The following BAZ2B variants were observed in gnomAD, a reference collection of about 807,000 sequenced individuals.
BAZ2B encodes the protein bromodomain adjacent to zinc finger domain protein 2B.
BAZ2B carries 91 observed loss-of-function variants against 246.0 expected under a neutral mutation model. The ratio of observed to expected loss-of-function variants is 0.37; its 90% CI spans 0.31 to 0.44. The LOEUF (loss-of-function observed/expected upper bound fraction) is 0.44, where lower values mean the gene tolerates loss of function less well. BAZ2B is among the 20% of genes least tolerant of loss of function. The pLI is 1.00. For synonymous variants in BAZ2B, 855 were observed against 860.0 expected (o/e 0.99, Z 0.10); for missense variants, 2,332 against 2,533.7 (o/e 0.92, Z 1.71).
chr2:159,411,948 C>A (rs1165789046), intron 14 of BAZ2B: 1 of 985,378 alleles, frequency 1.0e-6, no homozygotes, highest in Non-Finnish European at 1.2e-6. Context: ...CTCCACAGAT[C>A]CACATATTTT....
chr2:159,605,465 G>A (rs1693256167), intron 1 of BAZ2B, among the ~76,000 whole-genome samples: 1 of 152,046 alleles, frequency 6.6e-6, no homozygotes, highest in Non-Finnish European at 1.5e-5. Context: ...TAATTTAGTT[G>A]GTACCTGCAG....
the BAZ2B span, chr2:159,694,894 A>G: frequency 6.6e-6 from 1 of 152,200 alleles, no homozygotes; most frequent in Non-Finnish European, 1.5e-5. Flanking sequence ...GAGGACTGCT[A>G]AACTGCTTTC....
intron 8 of BAZ2B, chr2:159,435,121 A>G (rs991147472): frequency 3.0e-4 from 46 of 151,956 alleles, no homozygotes; most frequent in African/African-American, 9.9e-4. Flanking sequence ...TAACACTAAA[A>G]TCAGCAAAGA....
intron 2 of BAZ2B, among the ~76,000 whole-genome samples, chr2:159,546,903 A>G (rs561327332): frequency 6.6e-6 from 1 of 152,296 alleles, no homozygotes; most frequent in South Asian, 2.1e-4. Flanking sequence ...AAAGGATCCA[A>G]AGGTTTTATG....
the BAZ2B span, among the ~76,000 whole-genome samples, chr2:159,690,526 A>T: frequency 4.3e-4 from 66 of 152,146 alleles, no homozygotes; most frequent in East Asian, 5.8e-3. Flanking sequence ...TATATATATA[A>T]AATATTAATT....
chr2:159,542,333 C>T (rs907754876), intron 2 of BAZ2B, among the ~76,000 whole-genome samples: 1 of 152,138 alleles, frequency 6.6e-6, no homozygotes, highest in African/African-American at 2.4e-5. Context: ...TCCATATCCA[C>T]AAGCTAAATG....
intron 1 of BAZ2B, among the ~76,000 whole-genome samples, chr2:159,561,313 A>G (rs1014125587): frequency 6.6e-6 from 1 of 152,082 alleles, no homozygotes; most frequent in South Asian, 2.1e-4. Flanking sequence ...AAGCCAAGAC[A>G]CCTTTGGGTT....
chr2:159,689,706 G>A, the BAZ2B span: 1 of 399,786 alleles, frequency 2.5e-6, no homozygotes, highest in African/African-American at 2.2e-5. Context: ...AAATCATGGA[G>A]ACGATAAATA....
chr2:159,536,695 A>G (rs1209678781), intron 2 of BAZ2B, among the ~76,000 whole-genome samples: 3 of 152,232 alleles, frequency 2.0e-5, no homozygotes, highest in Non-Finnish European at 4.4e-5. Flanking sequence ...GTAACTGCTC[A>G]AAGTTTTTAC....
intron 1 of BAZ2B, among the ~76,000 whole-genome samples, chr2:159,573,948 A>C (rs1684618893): frequency 6.6e-6 from 1 of 152,126 alleles, no homozygotes; most frequent in African/African-American, 2.4e-5. Context: ...AAAAAATATA[A>C]AAATTGGCTG....
intron 27 of BAZ2B, among the ~76,000 whole-genome samples, chr2:159,369,509 G>A (rs2060586811): frequency 6.6e-6 from 1 of 152,056 alleles, no homozygotes; most frequent in Non-Finnish European, 1.5e-5. Flanking sequence ...TTGAGGACAG[G>A]TGTAATAATC....
Position 159,382,546 on chromosome 2 carries a change from T to G in BAZ2B, c.4005+13A>C. ...AGTTCTAGTTGTCTTAAAATCAACC[T>G]AAATTTCATTACCTCATCTTCACAG... On this transcript the variant is annotated intron_variant, in intron 25 of 36. Coordinates refer to ENST00000392783, the MANE Select transcript of BAZ2B (RefSeq NM_013450.4). 1.3e-6 allele frequency: 2 copies of G among 1,546,686 alleles called. No individual in the cohort carries two copies. The highest frequency in any genetic ancestry group is 1.7e-6 in the Non-Finnish European group (2 of 1,145,846).
chr2:159,582,000 G>A (rs1445417381), intron 1 of BAZ2B, among the ~76,000 whole-genome samples: 2 of 152,018 alleles, frequency 1.3e-5, no homozygotes, highest in Non-Finnish European at 2.9e-5. Flanking sequence ...GCACACTAAC[G>A]TGGCACATGT....
chr2:159,374,613 C>G, intron 26 of BAZ2B, 78 bp downstream of exon 26: 1 of 1,278,058 alleles, frequency 7.8e-7, no homozygotes, highest in Non-Finnish European at 1.1e-6. Context: ...GCTTAGCAGT[C>G]AGAAAAACTA....
chr2:159,682,915 C>A, the BAZ2B span, among the ~76,000 whole-genome samples: 2 of 73,106 alleles, frequency 2.7e-5, no homozygotes, highest in East Asian at 8.0e-4. Context: ...CCCCTCCCCC[C>A]CCCCACACAC....
At chr2:159,405,540 A>G (rs1314511768) in intron 14 of BAZ2B, among the ~76,000 whole-genome samples, 1 of 152,166 alleles carries the variant, frequency 6.6e-6, no homozygotes. Context: ...AAATTGCCTA[A>G]GGTCAGACAG....
intron 2 of BAZ2B, among the ~76,000 whole-genome samples, chr2:159,530,547 T>C (rs1022781826): frequency 3.9e-5 from 6 of 152,208 alleles, no homozygotes; most frequent in Non-Finnish European, 8.8e-5. Context: ...ACACAAGATA[T>C]ATACTTTAAT....
chr2:159,355,050 A>G (rs755590046), intron 27 of BAZ2B, among the ~76,000 whole-genome samples: 44 of 152,222 alleles, frequency 2.9e-4, no homozygotes, highest in Non-Finnish European at 2.9e-5. Flanking sequence ...CTGGGGGTCA[A>G]TCATTCTTGC....
rs762989598 is a variant in BAZ2B at position 159,433,266 on chromosome 2, G to C, written c.1391C>G (p.Thr464Ser). The stretch of plus-strand genomic sequence containing the variant: ...TTTTGGATGTGCTGGTGAACTAGAG[G>C]TTGCTTTTGGATTTGACAAAGCTGC... ...VIAALSNPKATSSSPAHPKQT... is the reference protein window; with the variant it reads ...VIAALSNPKASSSSPAHPKQT... Residue 464 changes from threonine to serine, a missense_variant, in exon 9 of 37, where the codon ACC (threonine) becomes AGC (serine). Thr to Ser is a moderately conservative substitution (Grantham distance 58, BLOSUM62 1). Transcript: ENST00000392783. The C allele has an allele frequency of 6.2e-7, 1 of 1,614,108 alleles. No homozygotes were observed. The highest frequency in any genetic ancestry group is 1.1e-5 in the South Asian group (1 of 91,076).
Sources: allele counts gnomAD v4.1 joint callset (sites outside exome capture counted in the v4.1 genomes callset), GRCh38; gene constraint gnomAD v4.1.1; transcripts MANE v1.5; gene names NCBI Gene and HGNC (gene_info 2026-07-23, HGNC 2026-07-21).